The following ARID1A variants were observed in gnomAD, a reference collection of about 807,000 sequenced individuals.
ARID1A encodes the protein AT-rich interaction domain 1A, also known as AT-rich interactive domain-containing protein 1A.
Under a neutral mutation model 212.6 loss-of-function variants are expected in ARID1A, and 20 were observed. That is an observed-to-expected ratio of 0.09 (90% confidence interval 0.07 to 0.14). ARID1A has a LOEUF of 0.14. Among genes scored for constraint, ARID1A ranks in the 10% least tolerant of loss-of-function variants. ARID1A has a pLI of 1.00. For missense variants in ARID1A, 2,587 were observed against 3,059.0 expected (o/e 0.85, Z 3.64); for synonymous variants, 1,376 against 1,222.1 (o/e 1.13, Z -2.63).
intron 4 of ARID1A, among the ~76,000 whole-genome samples, chr1:26,759,272 G>A (rs1263574297): frequency 4.6e-5 from 7 of 151,978 alleles, no homozygotes; most frequent in African/African-American, 1.7e-4. Flanking sequence ...GTACAATCTC[G>A]GCTCACTACA....
chr1:26,716,111 C>A (rs2080499987), intron 1 of ARID1A, among the ~76,000 whole-genome samples: 1 of 149,844 alleles, frequency 6.7e-6, no homozygotes, highest in Admixed American at 6.8e-5. Flanking sequence ...GAGGCTGAGG[C>A]AGGAGAATCA....
chr1:26,775,336 G>A, intron 18 of ARID1A, 116 bp downstream of exon 18: 1 of 1,453,192 alleles, frequency 6.9e-7, no homozygotes, highest in Non-Finnish European at 9.0e-7. Context: ...GACTAAAATA[G>A]AACCAAAGAA....
chr1:26,699,146 T>C (rs2080308255), intron 1 of ARID1A, among the ~76,000 whole-genome samples: 1 of 152,202 alleles, frequency 6.6e-6, no homozygotes, highest in South Asian at 2.1e-4. Flanking sequence ...GGCCAGTTTA[T>C]TCCTTTGCAT....
chr1:26,747,025 A>G (rs2080841868), intron 4 of ARID1A, among the ~76,000 whole-genome samples: 1 of 152,300 alleles, frequency 6.6e-6, no homozygotes, highest in South Asian at 2.1e-4. Context: ...CTGGTGACAG[A>G]GTAAGACTCC....
intron 4 of ARID1A, among the ~76,000 whole-genome samples, chr1:26,746,467 T>A (rs535209028): frequency 7.7e-4 from 117 of 152,300 alleles, no homozygotes; most frequent in African/African-American, 2.8e-3. Context: ...ACTTGGGTCT[T>A]TTGAACAGAA....
chr1:26,766,173 G>T (rs1570607668), intron 8 of ARID1A, 48 bp from the exon 9 acceptor site: 1 of 1,584,310 alleles, frequency 6.3e-7, no homozygotes, highest in South Asian at 1.2e-5. Context: ...AAATCTAAAA[G>T]CTCAGAGTCT....
At chr1:26,734,900 C>G (rs2080714534) in intron 4 of ARID1A, among the ~76,000 whole-genome samples, 1 of 152,166 alleles carries the variant, frequency 6.6e-6, no homozygotes, top group Non-Finnish European at 1.5e-5. Context: ...AGAGCAGCCC[C>G]TCAGATTTCA....
intron 1 of ARID1A, among the ~76,000 whole-genome samples, chr1:26,727,011 G>A (rs763107823): frequency 2.6e-5 from 4 of 152,256 alleles, no homozygotes; most frequent in Non-Finnish European, 4.4e-5. Flanking sequence ...TGTACAGTAT[G>A]TGGGGAATCT....
At chr1:26,757,179 C>T (rs2080947761) in intron 4 of ARID1A, among the ~76,000 whole-genome samples, 1 of 150,468 alleles carries the variant, frequency 6.6e-6, no homozygotes, top group Non-Finnish European at 1.5e-5. Context: ...CATGCCACTG[C>T]ACTCCAGCCT....
At chr1:26,773,287 G>T in intron 14 of ARID1A, 59 bp from the exon 15 acceptor site, 3 of 1,516,306 alleles carry the variant, frequency 2.0e-6, no homozygotes, top group Non-Finnish European at 2.7e-6. Context: ...GGGTCAAAGG[G>T]TAGATTACCA....
chr1:26,757,072 A>G (rs1169502674), intron 4 of ARID1A, among the ~76,000 whole-genome samples: 1 of 152,092 alleles, frequency 6.6e-6, no homozygotes, highest in Non-Finnish European at 1.5e-5. Context: ...AAAATGATCA[A>G]AACAAAACAT....
At position 26,696,827 on chromosome 1, in the gene ARID1A, G is replaced by A. The variant is rs955146899; in HGVS notation, c.424G>A (p.Ala142Thr). Residue 142 changes from alanine (A) to threonine (T), a missense_variant, in exon 1 of 20, where the codon GCC (alanine) becomes ACC (threonine). Physicochemically the swap from Ala to Thr is moderately conservative, Grantham distance 58. Transcript: ENST00000324856. ...VGAPPHSAAA[A>T]LPPPAYGFGQ... Reference sequence around the variant, plus strand: ...GGCGCCTCCTCACTCAGCCGCGGCCGCCTTGCCGCCCCCAGCCTACGGCTT... The same window carrying A: ...GGCGCCTCCTCACTCAGCCGCGGCCACCTTGCCGCCCCCAGCCTACGGCTT... 3.0e-6 allele frequency: 4 copies of A among 1,338,444 alleles called. No individual in the cohort carries two copies. The highest frequency in any genetic ancestry group is 2.0e-5 in the South Asian group (1 of 49,484). The allele number at this position is 1,338,444 out of a possible 1,614,324, so 82.9% of individuals were successfully genotyped here.
At chr1:26,710,308 C>CCT (rs535364081) in intron 1 of ARID1A, among the ~76,000 whole-genome samples, 189 of 151,540 alleles carry the variant, frequency 1.2e-3, no homozygotes, top group African/African-American at 4.4e-3. Context: ...GTGGCGGATG[C>CCT]CTGTAGTCCC....
intron 4 of ARID1A, among the ~76,000 whole-genome samples, chr1:26,743,085 G>C (rs1009197162): frequency 6.6e-6 from 1 of 152,262 alleles, no homozygotes; most frequent in South Asian, 2.1e-4. Flanking sequence ...CAGTTGTTTC[G>C]TGCGTGTTTT....
chr1:26,710,438 T>A (rs1336121403), intron 1 of ARID1A, among the ~76,000 whole-genome samples: 1 of 147,814 alleles, frequency 6.8e-6, no homozygotes, highest in Non-Finnish European at 1.5e-5. Flanking sequence ...ATCACACCAT[T>A]GCACTCCAGC....
intron 1 of ARID1A, among the ~76,000 whole-genome samples, chr1:26,710,883 G>A (rs1315638931): frequency 6.6e-6 from 1 of 152,176 alleles, no homozygotes; most frequent in African/African-American, 2.4e-5. Flanking sequence ...TGAGGCTAGG[G>A]GAGTGTGTTA....
chr1:26,780,701 A>C lies in ARID1A; in HGVS notation c.6803A>C (p.Asn2268Thr), dbSNP rs2124153153. 1 of 1,594,272 alleles carries C rather than the reference A, an allele frequency of 6.3e-7. No homozygotes were observed. Among genetic ancestry groups the C allele is most frequent in the Non-Finnish European group, 8.5e-7 (1 of 1,173,416 alleles). The stretch of plus-strand genomic sequence containing the variant: ...GACATCTCGGTATCACCGTTGATGA[A>C]CTCATTGGTTTCACAAGTCATTTGT... ...LLDISVSPLM[N>T]SLVSQVICDV... The change falls in exon 20 of 20, where the codon AAC becomes ACC. Residue 2268 changes from asparagine (N) to threonine (T), a missense_variant. Physicochemically the swap from Asn to Thr is moderately conservative, Grantham distance 65. Around this residue, in one of 11 missense-constraint regions of ARID1A, gnomAD observed 27 missense variants for 28.4 expected, o/e 0.95. Transcript: ENST00000324856. This position sits in a 1 kb window ranked among gnomAD's most constrained non-coding sequence, Gnocchi z 7.2.
rs2124145477 is a variant in ARID1A, at chr1:26,779,961, C to T, written c.6063C>T (p.His2021=). Residue 2021 remains histidine (H), a synonymous_variant, in exon 20 of 20, where the codon CAC becomes CAT. Coordinates refer to ENST00000324856, the MANE Select transcript of ARID1A (RefSeq NM_006015.6). The stretch of plus-strand genomic sequence containing the variant: ...AGCTGATCCTGCTGCACCACAAGCA[C>T]CCAGAACGGAAGCAGGCACCACTAA... ...LGKLILLHHK[H]PERKQAPLTY... The T allele has an allele frequency of 1.9e-6, 3 of 1,614,162 alleles. No homozygotes were observed. The highest frequency in any genetic ancestry group is 2.5e-6 in the Non-Finnish European group (3 of 1,180,032).
Position 26,772,897 on chromosome 1 carries a change from C to G in ARID1A, c.3625C>G (p.Pro1209Ala), listed in dbSNP as rs146611677. The G allele has an allele frequency of 6.2e-7, 1 of 1,614,122 alleles. No individual in the cohort carries two copies. Among genetic ancestry groups the G allele is most frequent in the Non-Finnish European group, 8.5e-7 (1 of 1,180,026 alleles). ...FQKRNSMTPN[P>A]GYQPSMNTSD... ...GAAGCGGAATTCCATGACTCCAAAC[C>G]CTGGGTATCAGCCCAGTATGAATAC... Residue 1209 changes from proline (P) to alanine (A), a missense_variant, in exon 14 of 20, where the codon CCT becomes GCT. Pro to Ala is a conservative substitution (Grantham distance 27). Around this residue, in one of 11 missense-constraint regions of ARID1A, gnomAD observed 890 missense variants for 1,098.2 expected, o/e 0.81. Transcript: ENST00000324856.
Sources: gnomAD v4.1 joint callset for allele counts (sites outside exome capture counted in the v4.1 genomes callset) on GRCh38, gnomAD v4.1.1 for gene constraint, gnomAD v4.1.1 regional missense constraint, Gnocchi (gnomAD v3.1) non-coding constraint, MANE v1.5 for transcripts, NCBI Gene and HGNC (gene_info 2026-07-23, HGNC 2026-07-21) for gene names.